The following ATXN10 variants were observed in gnomAD, a reference collection of about 807,000 sequenced individuals.
The protein encoded by ATXN10 is ataxin 10, also known as ataxin-10.
ATXN10 carries 28 observed loss-of-function variants against 52.9 expected under a neutral mutation model. The ratio of observed to expected loss-of-function variants is 0.53; its 90% confidence interval spans 0.39 to 0.73. ATXN10 has a LOEUF of 0.73. Ranked by LOEUF, ATXN10 falls within the 30% of genes least tolerant of loss-of-function variation. ATXN10 has a pLI of 0.00. For missense variants in ATXN10, 565 were observed against 577.0 expected, an observed-to-expected ratio of 0.98 and a Z score of 0.21; for synonymous variants, 226 against 221.5, an observed-to-expected ratio of 1.02 and a Z score of -0.18.
intron 1 of ATXN10, chr22:45,676,089 A>G (rs1330809295): frequency 2.0e-5 from 3 of 151,898 alleles, no homozygotes; most frequent in Non-Finnish European, 4.4e-5. Flanking sequence ...TTAAAATTCT[A>G]TTTTAGTTGC....
chr22:45,689,566 T>A, intron 1 of ATXN10, 146 bp from the exon 2 acceptor site: 5 of 353,148 alleles, frequency 1.4e-5, no homozygotes, highest in Non-Finnish European at 2.5e-5. Flanking sequence ...GTGTAGATCT[T>A]TTATTTGGTG....
At chr22:45,758,221 C>T (rs1018564118) in intron 9 of ATXN10, among the ~76,000 whole-genome samples, 3 of 152,336 alleles carry the variant, frequency 2.0e-5, no homozygotes, top group Admixed American at 2.0e-4. Context: ...AGCAGGGCCA[C>T]AGTCTCCCTG....
rs1028941127 is a variant in ATXN10, at chr22:45,842,521, A to T, written c.1238-470A>T. Among the ~76,000 whole-genome samples, 1 of 152,240 alleles carries T rather than the reference A, an allele frequency of 6.6e-6. No individual in the cohort carries two copies. The highest frequency in any genetic ancestry group is 2.4e-5 in the African/African-American group (1 of 41,460). On this transcript the variant is annotated intron_variant, in intron 10 of 11. Transcript: ENST00000252934. The surrounding 1 kb of genome is among the most constrained non-coding windows in gnomAD (Gnocchi z 4.8). Reference sequence around the variant, plus strand: ...CTAACTGGGCTCCCATTAAAACAAGATGATTTTCCTGATTCTAACCTGACG... The same window carrying T: ...CTAACTGGGCTCCCATTAAAACAAGTTGATTTTCCTGATTCTAACCTGACG...
chr22:45,674,845 TTGG>T (rs1365156126), intron 1 of ATXN10: 2 of 152,216 alleles, frequency 1.3e-5, no homozygotes, highest in African/African-American at 4.8e-5. Flanking sequence ...CATAATGTAG[TTGG>T]TGGTCCTTCT....
intron 9 of ATXN10, among the ~76,000 whole-genome samples, chr22:45,758,617 A>C (rs1480604256): frequency 6.6e-6 from 1 of 152,202 alleles, no homozygotes; most frequent in Non-Finnish European, 1.5e-5. Flanking sequence ...AGCTATCTTT[A>C]AGATGTTGTT....
In ATXN10 at chr22:45,795,598, G is replaced by A. The variant is rs191560170; in HGVS notation, c.1174-11361G>A. 4.2e-4 allele frequency among the ~76,000 whole-genome samples: 64 copies of A among 152,106 alleles called. 1 individual carries two copies. The highest frequency in any genetic ancestry group is 7.1e-4 in the Non-Finnish European group (48 of 67,988). On this transcript the variant is annotated intron_variant, in intron 9 of 11. Transcript: ENST00000252934. This position sits in a 1 kb window ranked among gnomAD's most constrained non-coding sequence, Gnocchi z 4.6. ...TAATTTTTGTATTTTTAGTAGAGAC[G>A]GTGTTTCGGGAAGTCAGGGACCCTG...
In ATXN10 at chr22:45,693,043, G is replaced by A. The variant is rs765130423; in HGVS notation, c.356G>A (p.Arg119His). The A allele has an allele frequency of 6.8e-6, 11 of 1,613,888 alleles. No individual in the cohort carries two copies. The highest frequency in any genetic ancestry group is 1.3e-5 in the African/African-American group (1 of 74,900). ...GVAVDLILLF[R>H]ELRVEQESLL... ...GCTGTTGATTTGATTCTTCTGTTTC[G>A]TGAACTGCGAGTGGAACAGGAATCT... Residue 119 changes from arginine (R) to histidine (H), a missense_variant, in exon 3 of 12, where the codon CGT becomes CAT. Arg to His is a conservative substitution (Grantham distance 29). Transcript: ENST00000252934.
intron 1 of ATXN10, 164 bp from the exon 2 acceptor site, chr22:45,689,548 C>T (rs1408005859): frequency 1.1e-5 from 7 of 646,682 alleles, no homozygotes; most frequent in Non-Finnish European, 1.9e-5. Flanking sequence ...ATAGTAAGTG[C>T]TCAATATGTG....
Position 45,742,664 on chromosome 22 carries a change from C to T in ATXN10, c.1173+2126C>T, listed in dbSNP as rs181149599. On this transcript the variant is annotated intron_variant, in intron 9 of 11. Coordinates refer to ENST00000252934, the MANE Select transcript of ATXN10 (RefSeq NM_013236.4). ...GCGGGGAGAAAGATTGAAAATAAAA[C>T]GGCCGCTTTAGGATGCTAAATGTTA... Among the ~76,000 whole-genome samples the T allele has an allele frequency of 4.5e-4, 68 of 152,200 alleles. No individual in the cohort carries two copies. In the East Asian group the frequency reaches 0.01, roughly 23 times the overall value.
rs183627222 is a variant in ATXN10, at chr22:45,727,835, A to G, written c.729-1590A>G. Among the ~76,000 whole-genome samples the G allele has an allele frequency of 1.8e-4, 27 of 152,202 alleles. No homozygotes were observed. The East Asian group carries it at 4.6e-3, about 26-fold the overall frequency. ...TGGATCGATCCTTTTATCATCATAT[A>G]ATGACCTTCTTTGTCTTTTTTTTAC... On this transcript the variant is annotated intron_variant, in intron 6 of 11. Transcript: ENST00000252934. This position sits in a 1 kb window ranked among gnomAD's most constrained non-coding sequence, Gnocchi z 4.6.
rs546093456 is a variant in ATXN10 at position 45,681,941 on chromosome 22, C to T, written c.117-7771C>T. Among the ~76,000 whole-genome samples, 6 of 152,174 alleles carry T rather than the reference C, an allele frequency of 3.9e-5. No homozygotes were observed. Among genetic ancestry groups the T allele is most frequent in the Admixed American group, 1.3e-4 (2 of 15,276 alleles). Reference sequence around the variant, plus strand: ...CTGCCCACCTACTTGTATCTGTGCCCGTAGCCTGCCTTTGCTTCTGGTCTG... The same window carrying T: ...CTGCCCACCTACTTGTATCTGTGCCTGTAGCCTGCCTTTGCTTCTGGTCTG... On this transcript the variant is annotated intron_variant, in intron 1 of 11. Coordinates refer to ENST00000252934, the MANE Select transcript of ATXN10 (RefSeq NM_013236.4). The surrounding 1 kb of genome is among the most constrained non-coding windows in gnomAD (Gnocchi z 4.2).
rs1922752889 is a variant in ATXN10 at position 45,677,609 on chromosome 22, C to A, written c.116+5430C>A. On this transcript the variant is annotated intron_variant, in intron 1 of 11. Transcript: ENST00000252934. This position sits in a 1 kb window ranked among gnomAD's most constrained non-coding sequence, Gnocchi z 4.1. Reference sequence around the variant, plus strand: ...TTGTTTCAGAATATATGAAGTACTCCTACCTACAACTCAATAAAAAAGACT... The same window carrying A: ...TTGTTTCAGAATATATGAAGTACTCATACCTACAACTCAATAAAAAAGACT... 1 of 151,288 alleles carries A rather than the reference C, an allele frequency of 6.6e-6. No individual in the cohort carries two copies. Among genetic ancestry groups the A allele is most frequent in the Admixed American group, 6.6e-5 (1 of 15,198 alleles). 9.4% of individuals were successfully genotyped at this position (151,288 alleles called of 1,614,324 possible).
At position 45,774,385 on chromosome 22, in the gene ATXN10, G is replaced by A. The variant is rs1282433233; in HGVS notation, c.1174-32574G>A. 1.3e-5 allele frequency among the ~76,000 whole-genome samples: 2 copies of A among 152,224 alleles called. No homozygotes were observed. Among genetic ancestry groups the A allele is most frequent in the Non-Finnish European group, 2.9e-5 (2 of 68,042 alleles). ...GACAGATAATGCAGACACAGTGTGCGAGCAAGCAGTCCTGTGGGAGAGCTC... is the reference window on the plus strand; with the variant it reads ...GACAGATAATGCAGACACAGTGTGCAAGCAAGCAGTCCTGTGGGAGAGCTC... On this transcript the variant is annotated intron_variant, in intron 9 of 11. Coordinates refer to ENST00000252934, the MANE Select transcript of ATXN10 (RefSeq NM_013236.4). This position sits in a 1 kb window ranked among gnomAD's most constrained non-coding sequence, Gnocchi z 6.2.
intron 1 of ATXN10, among the ~76,000 whole-genome samples, chr22:45,685,388 T>G (rs1200478558): frequency 6.6e-6 from 1 of 152,226 alleles, no homozygotes; most frequent in African/African-American, 2.4e-5. Context: ...GTCTAACGGT[T>G]GAATTTTAAT....
intron 9 of ATXN10, among the ~76,000 whole-genome samples, chr22:45,768,948 A>G (rs1380569786): frequency 6.6e-6 from 1 of 152,222 alleles, no homozygotes; most frequent in Admixed American, 6.5e-5. Context: ...GCTGTCTGTT[A>G]GAAATACCAA....
rs1569030927 is a variant in ATXN10, at chr22:45,708,436, A to G, written c.647+5589A>G. Among the ~76,000 whole-genome samples the G allele has an allele frequency of 6.6e-6, 1 of 152,220 alleles. No individual in the cohort carries two copies. Among genetic ancestry groups the G allele is most frequent in the Non-Finnish European group, 1.5e-5 (1 of 68,040 alleles). On this transcript the variant is annotated intron_variant, in intron 5 of 11. Transcript: ENST00000252934. The surrounding 1 kb of genome is among the most constrained non-coding windows in gnomAD (Gnocchi z 5.3). ...TGTATTTTGCTACTATGTACCTATG[A>G]AAGTTAAGCAGAGTAAACCAGTCTG...
At chr22:45,674,892 A>C (rs1342157330) in intron 1 of ATXN10, 1 of 152,210 alleles carries the variant, frequency 6.6e-6, no homozygotes, top group Admixed American at 6.5e-5. Flanking sequence ...AACTTCTGTC[A>C]GTGGTAGCTT....
chr22:45,672,115 G>C lies in ATXN10; in HGVS notation c.52G>C (p.Ala18Pro). Residue 18 changes from alanine to proline, a missense_variant, in exon 1 of 12, where the codon GCG (alanine) becomes CCG (proline). By Grantham distance (27) the Ala-to-Pro change is conservative. Coordinates refer to ENST00000252934, the MANE Select transcript of ATXN10 (RefSeq NM_013236.4). ...PARLSGVMVP[A>P]PIQDLEALRA... ...CAGGCTGTCGGGCGTCATGGTGCCG[G>C]CGCCCATCCAAGACCTGGAGGCCCT... is the stretch of plus-strand genomic sequence containing the variant. 6.5e-7 allele frequency: 1 copy of C among 1,540,248 alleles called. No individual in the cohort carries two copies. Among genetic ancestry groups the C allele is most frequent in the Non-Finnish European group, 8.7e-7 (1 of 1,145,676 alleles).
At position 45,844,780 on chromosome 22, in the gene ATXN10, G is replaced by C. The variant is rs1929457524; in HGVS notation, c.*1109G>C. The C allele has an allele frequency of 6.6e-6, 1 of 152,110 alleles. No individual in the cohort carries two copies. The highest frequency in any genetic ancestry group is 2.4e-5 in the African/African-American group (1 of 41,404). The allele number at this position is 152,110 out of a possible 1,614,324, so 9.4% of individuals were successfully genotyped here. ...CCAGAGATTTTGCACAATTCGTGTT[G>C]AACCTTCCAAAACAAAAATAAAGAC... On this transcript the variant is annotated 3_prime_UTR_variant, in exon 12 of 12. Transcript: ENST00000252934.
Sources: gnomAD v4.1 joint callset for allele counts (sites outside exome capture counted in the v4.1 genomes callset) on GRCh38, gnomAD v4.1.1 for gene constraint, Gnocchi (gnomAD v3.1) non-coding constraint, MANE v1.5 for transcripts, NCBI Gene and HGNC (gene_info 2026-07-23, HGNC 2026-07-21) for gene names.